The following BPIFC variants were observed in gnomAD, a reference collection of about 807,000 sequenced individuals.
The protein encoded by BPIFC is BPI fold-containing family C protein.
A neutral mutation model predicts 57.6 loss-of-function variants in BPIFC; 60 were observed. The observed-to-expected ratio is 1.04, with a 90% confidence interval of 0.85 to 1.29. The LOEUF (loss-of-function observed/expected upper bound fraction) is 1.29, where lower values mean the gene tolerates loss of function less well. Among genes scored for constraint, BPIFC ranks in the 50% most tolerant of loss-of-function variants. The probability of loss-of-function intolerance (pLI) is 0.00; values close to 1 mark genes in which losing one functional copy is unlikely to be tolerated. For synonymous variants in BPIFC, 243 were observed against 224.5 expected, an observed-to-expected ratio of 1.08 and a Z score of -0.74; for missense variants, 581 against 600.5, an observed-to-expected ratio of 0.97 and a Z score of 0.34.
rs141903184 is a variant in BPIFC, at chr22:32,442,684, G to C, written c.642C>G (p.Leu214=). Residue 214 remains leucine, a synonymous_variant, in exon 8 of 17, where the codon CTC becomes CTG. Coordinates refer to ENST00000300399, the MANE Select transcript of BPIFC (RefSeq NM_174932.3). ...ASEVKALNAN[L]STLEVLTKID... is the part of the protein sequence containing the mutation. Reference sequence around the variant, plus strand: ...TCTAAGACTCACCCTCCAGTGTGCTGAGGTTGGCATTTAGCGCTTTGACTT... The same window carrying C: ...TCTAAGACTCACCCTCCAGTGTGCTCAGGTTGGCATTTAGCGCTTTGACTT... 2 of 1,613,788 alleles carry C rather than the reference G, an allele frequency of 1.2e-6. No individual in the cohort carries two copies. Among genetic ancestry groups the C allele is most frequent in the African/African-American group, 2.7e-5 (2 of 74,908 alleles).
At chr22:32,446,421 T>C (rs1934731887) in intron 5 of BPIFC, among the ~76,000 whole-genome samples, 1 of 152,206 alleles carries the variant, frequency 6.6e-6, no homozygotes, top group Non-Finnish European at 1.5e-5. Context: ...GTGTTACTCA[T>C]TTCCATGTCC....
At chr22:32,434,373 C>T (rs1569450910) in intron 10 of BPIFC, among the ~76,000 whole-genome samples, 1 of 147,340 alleles carries the variant, frequency 6.8e-6, no homozygotes, top group African/African-American at 2.5e-5. Flanking sequence ...TGTACATATT[C>T]TTTATTTATA....
chr22:32,457,880 C>T (rs541772562), intron 2 of BPIFC, among the ~76,000 whole-genome samples: 11 of 152,294 alleles, frequency 7.2e-5, no homozygotes, highest in South Asian at 4.1e-4. Context: ...ATCTGATACA[C>T]GATGTTGTCT....
intron 6 of BPIFC, 68 bp downstream of exon 6, chr22:32,445,773 C>T (rs17691853): frequency 0.12 from 178,134 of 1,464,260 alleles, 11,359 homozygotes; most frequent in Non-Finnish European, 0.14. Context: ...ATTTGTAAAC[C>T]TTCCCTAGGC....
chr22:32,432,036 G>A (rs187867571), intron 12 of BPIFC, among the ~76,000 whole-genome samples: 2 of 152,210 alleles, frequency 1.3e-5, no homozygotes, highest in Non-Finnish European at 2.9e-5. Context: ...TGGGTTCAGA[G>A]CAACACTTCC....
chr22:32,415,561 G>A (rs531943688), intron 16 of BPIFC, among the ~76,000 whole-genome samples: 1 of 152,246 alleles, frequency 6.6e-6, no homozygotes, highest in African/African-American at 2.4e-5. Context: ...CCAGCTGCCT[G>A]AGCCACTTCT....
intron 1 of BPIFC, among the ~76,000 whole-genome samples, chr22:32,464,155 G>A (rs1935213569): frequency 6.6e-6 from 1 of 152,182 alleles, no homozygotes; most frequent in South Asian, 2.1e-4. Context: ...TCTTATGGCT[G>A]TTTAGCTGTC....
intron 13 of BPIFC, among the ~76,000 whole-genome samples, chr22:32,420,141 C>A (rs529585273): frequency 3.0e-4 from 45 of 152,054 alleles, no homozygotes; most frequent in Admixed American, 1.5e-3. Flanking sequence ...CACGGTGAAA[C>A]CCCATCTCTA....
At chr22:32,421,126 G>A (rs895735862) in intron 13 of BPIFC, among the ~76,000 whole-genome samples, 6 of 152,196 alleles carry the variant, frequency 3.9e-5, no homozygotes, top group Non-Finnish European at 5.9e-5. Flanking sequence ...GAGTGACAGC[G>A]TGTCCTGTTG....
chr22:32,456,127 TG>T (rs753142829), intron 3 of BPIFC, among the ~76,000 whole-genome samples: 14 of 152,228 alleles, frequency 9.2e-5, no homozygotes, highest in African/African-American at 9.6e-5. Flanking sequence ...CTCCAGAAGG[TG>T]AAGAAAAGAA....
chr22:32,425,967 G>A (rs373641577), intron 13 of BPIFC, among the ~76,000 whole-genome samples: 7 of 152,226 alleles, frequency 4.6e-5, no homozygotes, highest in East Asian at 1.9e-4. Flanking sequence ...TAAGAAACTC[G>A]CCTGAGATGC....
At chr22:32,450,012 G>A (rs757257231) in intron 4 of BPIFC, among the ~76,000 whole-genome samples, 2 of 151,910 alleles carry the variant, frequency 1.3e-5, no homozygotes, top group Non-Finnish European at 2.9e-5. Context: ...GGGATTACAA[G>A]CGTGAGCCAT....
At chr22:32,434,149 A>G (rs1342869058) in intron 10 of BPIFC, among the ~76,000 whole-genome samples, 8 of 149,548 alleles carry the variant, frequency 5.3e-5, no homozygotes. Context: ...CTATGTGTAC[A>G]TATTCTTTAT....
chr22:32,431,219 TTC>T lies in BPIFC; in HGVS notation c.1217+126_1217+127del, dbSNP rs1934230951. 1.5e-5 allele frequency: 11 copies of T among 724,706 alleles called. No homozygotes were observed. In the East Asian group the frequency reaches 3.1e-4, roughly 21 times the overall value. The allele number at this position is 724,706 out of a possible 1,614,324, so 44.9% of individuals were successfully genotyped here. On this transcript the variant is annotated intron_variant, in intron 13 of 16. Coordinates refer to ENST00000300399, the MANE Select transcript of BPIFC (RefSeq NM_174932.3). ...ACCTCTGCCTCCCGGGTTCAAGCGA[TTC>T]TCCTGCCTCAGCCTCCTGAGTAGCT...
chr22:32,435,802 A>G lies in BPIFC; in HGVS notation c.826T>C (p.Ser276Pro), dbSNP rs1441124024. 2 of 1,614,186 alleles carry G rather than the reference A, an allele frequency of 1.2e-6. No homozygotes were observed. Among genetic ancestry groups the G allele is most frequent in the Non-Finnish European group, 1.7e-6 (2 of 1,180,024 alleles). Residue 276 changes from serine to proline, a missense_variant, in exon 10 of 17, where the codon TCC becomes CCC. Physicochemically the swap from Ser to Pro is moderately conservative, Grantham distance 74 (BLOSUM62 -1). Coordinates refer to ENST00000300399, the MANE Select transcript of BPIFC (RefSeq NM_174932.3). ...TCGGCGATTCCAATGTAGAGCATGG[A>G]GTTGCTGCGTTCTGGGAGCACAAAA... ...VPFVLPERSN[S>P]MLYIGIAEYF...
chr22:32,442,496 C>T (rs1456754022), intron 8 of BPIFC, among the ~76,000 whole-genome samples, 175 bp downstream of exon 8: 1 of 152,168 alleles, frequency 6.6e-6, no homozygotes, highest in Non-Finnish European at 1.5e-5. Flanking sequence ...CCAAAGAGTA[C>T]ATATGCCCTA....
chr22:32,419,448 C>G lies in BPIFC; in HGVS notation c.1218-44G>C, dbSNP rs375885708. ...AGTTTAAAGGATTTGAAAACAACAG[C>G]CTTAGTAGAAAGAAACCAAAAAGTA... On this transcript the variant is annotated intron_variant, in intron 13 of 16. Coordinates refer to ENST00000300399, the MANE Select transcript of BPIFC (RefSeq NM_174932.3). 3.2e-6 allele frequency: 5 copies of G among 1,554,370 alleles called. No homozygotes were observed. The Admixed American group carries it at 7.1e-5, about 22-fold the overall frequency.
At chr22:32,443,455 G>A (rs1013528568) in intron 7 of BPIFC, among the ~76,000 whole-genome samples, 1 of 152,200 alleles carries the variant, frequency 6.6e-6, no homozygotes, top group African/African-American at 2.4e-5. Flanking sequence ...GAGCCACCGC[G>A]CCCGGCCCCA....
chr22:32,452,637 C>CAA (rs57754149), intron 4 of BPIFC, among the ~76,000 whole-genome samples: 19 of 135,460 alleles, frequency 1.4e-4, no homozygotes, highest in African/African-American at 2.9e-4. Context: ...GACTCCGTCT[C>CAA]AAAAAAAAAA....
Sources: allele counts gnomAD v4.1 joint callset (sites outside exome capture counted in the v4.1 genomes callset), GRCh38; gene constraint gnomAD v4.1.1; transcripts MANE v1.5; gene names NCBI Gene and HGNC (gene_info 2026-07-23, HGNC 2026-07-21).